The following CTBP2 variants were observed in gnomAD, a reference collection of about 807,000 sequenced individuals.
The protein encoded by CTBP2 is C-terminal-binding protein 2.
Under a neutral mutation model 80.3 loss-of-function variants are expected in CTBP2, and 30 were observed. The observed-to-expected ratio is 0.37, with a 90% CI of 0.28 to 0.51. CTBP2 has a LOEUF of 0.51. Ranked by LOEUF, CTBP2 falls within the 20% of genes least tolerant of loss-of-function variation. The pLI, the probability that CTBP2 is intolerant of heterozygous loss-of-function variation, is 0.93. For synonymous variants in CTBP2, 594 were observed against 587.4 expected (o/e 1.01, Z -0.16); for missense variants, 1,212 against 1,375.3 (o/e 0.88, Z 1.88).
chr10:125,143,784 A>G (rs1858262748), intron 1 of CTBP2, among the ~76,000 whole-genome samples: 1 of 152,192 alleles, frequency 6.6e-6, no homozygotes, highest in Non-Finnish European at 1.5e-5. Flanking sequence ...TATTCTTCAT[A>G]AACACCATAA....
intron 2 of CTBP2, among the ~76,000 whole-genome samples, chr10:125,053,020 C>A (rs1963130156): frequency 6.6e-6 from 1 of 152,238 alleles, no homozygotes; most frequent in Non-Finnish European, 1.5e-5. Context: ...CATGCAGCCG[C>A]TGACCCCAAG....
At chr10:124,989,884 G>A (rs1952357495) in intron 8 of CTBP2, among the ~76,000 whole-genome samples, 186 bp from the exon 11 acceptor site, 1 of 152,062 alleles carries the variant, frequency 6.6e-6, no homozygotes, top group African/African-American at 2.4e-5. Flanking sequence ...CCACAGGCAT[G>A]AGCCACCACG....
At chr10:125,018,900 A>G (rs543147196) in intron 1 of CTBP2, among the ~76,000 whole-genome samples, 3 of 152,238 alleles carry the variant, frequency 2.0e-5, no homozygotes, top group African/African-American at 7.2e-5. Flanking sequence ...AGGCTGCCCC[A>G]TGTCCCATTG....
At chr10:125,008,284 T>G (rs1955484793) in intron 1 of CTBP2, among the ~76,000 whole-genome samples, 1 of 152,174 alleles carries the variant, frequency 6.6e-6, no homozygotes, top group African/African-American at 2.4e-5. Context: ...CTAGATTTTA[T>G]GGAAGTTTCC....
intron 1 of CTBP2, among the ~76,000 whole-genome samples, chr10:125,005,186 G>A (rs181480485): frequency 7.2e-4 from 109 of 152,352 alleles, no homozygotes; most frequent in African/African-American, 2.6e-3. Flanking sequence ...TGGGACTTGG[G>A]ATAATTGTCT....
intron 2 of CTBP2, among the ~76,000 whole-genome samples, chr10:125,063,493 C>T (rs1265818590): frequency 2.0e-5 from 3 of 152,156 alleles, no homozygotes; most frequent in Non-Finnish European, 1.5e-5. Context: ...GCCTCATGCA[C>T]GATCCTTTCT....
At chr10:125,128,659 G>A (rs547067714) in intron 1 of CTBP2, among the ~76,000 whole-genome samples, 1 of 152,318 alleles carries the variant, frequency 6.6e-6, no homozygotes, top group South Asian at 2.1e-4. Context: ...CACCACCCAA[G>A]CAGAAAGCCA....
At chr10:125,068,727 T>C (rs1845013998) in intron 2 of CTBP2, among the ~76,000 whole-genome samples, 1 of 152,164 alleles carries the variant, frequency 6.6e-6, no homozygotes, top group African/African-American at 2.4e-5. Flanking sequence ...CAGCACCCTA[T>C]GCAGAGGGGT....
intron 3 of CTBP2, 96 bp downstream of exon 5, chr10:125,002,864 C>T: frequency 6.7e-7 from 1 of 1,483,748 alleles, no homozygotes; most frequent in Non-Finnish European, 9.1e-7. Context: ...AGCGGCTGCT[C>T]CGTGGTCCCA....
At chr10:125,044,171 C>T (rs1157459536) in intron 2 of CTBP2, among the ~76,000 whole-genome samples, 1 of 152,226 alleles carries the variant, frequency 6.6e-6, no homozygotes, top group Non-Finnish European at 1.5e-5. Context: ...AACGACAGGA[C>T]TCACTCCTGG....
At chr10:125,124,033 C>CAGGCCA (rs1460292068) in intron 1 of CTBP2, among the ~76,000 whole-genome samples, 3 of 152,250 alleles carry the variant, frequency 2.0e-5, no homozygotes, top group Non-Finnish European at 2.9e-5. Context: ...CAGGCTGGAA[C>CAGGCCA]AGGCCAAGAC....
At chr10:125,002,201 T>C (rs920979360) in intron 3 of CTBP2, among the ~76,000 whole-genome samples, 20 of 152,226 alleles carry the variant, frequency 1.3e-4, no homozygotes, top group African/African-American at 4.6e-4. Context: ...GGGTGGCGTG[T>C]TCCAAACACA....
At chr10:125,018,977 C>A (rs1407041969) in intron 1 of CTBP2, among the ~76,000 whole-genome samples, 1 of 152,212 alleles carries the variant, frequency 6.6e-6, no homozygotes, top group Non-Finnish European at 1.5e-5. Context: ...CAGGGGGCCG[C>A]CCACTCTGTC....
chr10:125,007,161 C>T (rs1955354500), intron 1 of CTBP2, among the ~76,000 whole-genome samples: 1 of 152,256 alleles, frequency 6.6e-6, no homozygotes, highest in South Asian at 2.1e-4. Flanking sequence ...TGCAACTGGA[C>T]ACATCACGGA....
intron 6 of CTBP2, 52 bp from the exon 9 acceptor site, chr10:124,993,381 C>G: frequency 6.4e-7 from 1 of 1,572,882 alleles, no homozygotes; most frequent in Middle Eastern, 1.7e-4. Flanking sequence ...CATACGCTCC[C>G]TGCCCTCCTC....
intron 2 of CTBP2, among the ~76,000 whole-genome samples, chr10:125,095,927 C>A (rs1417931067): frequency 1.3e-5 from 2 of 152,134 alleles, no homozygotes; most frequent in East Asian, 3.9e-4. Flanking sequence ...GGAGTCCTTG[C>A]CTCTGCCAGG....
intron 2 of CTBP2, among the ~76,000 whole-genome samples, chr10:125,057,572 A>G (rs1964200786): frequency 6.6e-6 from 1 of 152,208 alleles, no homozygotes; most frequent in African/African-American, 2.4e-5. Context: ...TCCCTTTTCC[A>G]GGCCACAGAA....
intron 2 of CTBP2, among the ~76,000 whole-genome samples, chr10:125,109,553 C>T (rs932778227): frequency 6.6e-6 from 1 of 152,222 alleles, no homozygotes; most frequent in Non-Finnish European, 1.5e-5. Flanking sequence ...TCCTGACCTC[C>T]CTCAGGTTTC....
At chr10:125,110,318 T>C (rs1852090685) in intron 2 of CTBP2, among the ~76,000 whole-genome samples, 1 of 152,208 alleles carries the variant, frequency 6.6e-6, no homozygotes, top group Non-Finnish European at 1.5e-5. Context: ...TTAAGAAAGA[T>C]CCAGGTTTTG....
Sources: gnomAD v4.1 joint callset for allele counts (sites outside exome capture counted in the v4.1 genomes callset) on GRCh38, gnomAD v4.1.1 for gene constraint, MANE v1.5 for transcripts, NCBI Gene and HGNC (gene_info 2026-07-23, HGNC 2026-07-21) for gene names.